Variants in WWOX observed in about 807,000 individuals in gnomAD.
The protein encoded by WWOX is WW domain-containing oxidoreductase.
A neutral mutation model predicts 46.2 loss-of-function variants in WWOX; 69 were observed. The ratio of observed to expected loss-of-function variants is 1.49; its 90% CI spans 1.23 to 1.82. The LOEUF (loss-of-function observed/expected upper bound fraction) is 1.82, where lower values mean the gene tolerates loss of function less well. WWOX is among the 40% of genes most tolerant of loss of function. WWOX has a pLI of 0.00. For missense variants in WWOX, 919 were observed against 542.6 expected, an observed-to-expected ratio of 1.69 and a Z score of -6.89; for synonymous variants, 359 against 202.6, an observed-to-expected ratio of 1.77 and a Z score of -6.56.
At chr16:78,766,632 AG>A (rs2049930452) in intron 8 of WWOX, among the ~76,000 whole-genome samples, 1 of 152,164 alleles carries the variant, frequency 6.6e-6, no homozygotes, top group African/African-American at 2.4e-5. Context: ...CTTGTGAGTT[AG>A]CTCTCTCCAA....
chr16:78,440,552 C>T (rs1054307912), intron 8 of WWOX, among the ~76,000 whole-genome samples: 1 of 152,010 alleles, frequency 6.6e-6, no homozygotes, highest in South Asian at 2.1e-4. Flanking sequence ...ATGAAGAGTC[C>T]CTGGAATTTC....
At chr16:78,852,844 C>G (rs929449999) in intron 8 of WWOX, among the ~76,000 whole-genome samples, 1 of 152,160 alleles carries the variant, frequency 6.6e-6, no homozygotes, top group African/African-American at 2.4e-5. Context: ...TGGGCAGAAA[C>G]TTTTATACAG....
intron 8 of WWOX, among the ~76,000 whole-genome samples, chr16:78,754,298 G>C (rs1012688998): frequency 2.0e-5 from 3 of 152,044 alleles, no homozygotes; most frequent in Non-Finnish European, 4.4e-5. Flanking sequence ...GTGAGTTTCA[G>C]GAAGAAGGCA....
At chr16:78,561,671 G>A (rs749011321) in intron 8 of WWOX, among the ~76,000 whole-genome samples, 16 of 152,152 alleles carry the variant, frequency 1.1e-4, no homozygotes, top group Non-Finnish European at 1.9e-4. Flanking sequence ...AAGAAAGGGG[G>A]TAATTGAAGA....
chr16:79,190,284 C>T (rs1274931422), intron 8 of WWOX, among the ~76,000 whole-genome samples: 2 of 152,260 alleles, frequency 1.3e-5, no homozygotes, highest in East Asian at 1.9e-4. Context: ...CTCAGCCTCT[C>T]ACAGTGCTGG....
At position 79,142,920 on chromosome 16, in the gene WWOX, T is replaced by C. The variant is rs111806944; in HGVS notation, c.1057-68688T>C. 6.5e-3 allele frequency among the ~76,000 whole-genome samples: 993 copies of C among 152,156 alleles called. 9 individuals are homozygous for C. Among genetic ancestry groups the C allele is most frequent in the African/African-American group, 0.023 (937 of 41,496 alleles). On this transcript the variant is annotated intron_variant, in intron 8 of 8. Coordinates refer to ENST00000566780, the MANE Select transcript of WWOX (RefSeq NM_016373.4). ...GTTCTCGCCTTATTGCCCAGGCTGATCTTGAACTCCTGGGCTCAAGCCACC... is the reference window on the plus strand; with the variant it reads ...GTTCTCGCCTTATTGCCCAGGCTGACCTTGAACTCCTGGGCTCAAGCCACC...
intron 8 of WWOX, among the ~76,000 whole-genome samples, chr16:78,823,028 C>G (rs1248189874): frequency 6.6e-6 from 1 of 152,100 alleles, no homozygotes; most frequent in Non-Finnish European, 1.5e-5. Context: ...TCATATTCAA[C>G]TTGGAAAACA....
intron 6 of WWOX, among the ~76,000 whole-genome samples, chr16:78,415,977 C>T (rs567200373): frequency 2.6e-5 from 4 of 152,302 alleles, no homozygotes; most frequent in East Asian, 1.9e-4. Context: ...GGTGGAGGGG[C>T]TTTATCTGTG....
chr16:78,720,258 G>T (rs919031193), intron 8 of WWOX, among the ~76,000 whole-genome samples: 1 of 150,612 alleles, frequency 6.6e-6, no homozygotes, highest in African/African-American at 2.5e-5. Context: ...TTATGTGCGC[G>T]TGTGTGAAAC....
intron 8 of WWOX, among the ~76,000 whole-genome samples, chr16:78,458,233 A>G (rs986583527): frequency 9.4e-5 from 14 of 148,412 alleles, no homozygotes; most frequent in African/African-American, 3.5e-4. Context: ...TTCCCTGCCA[A>G]TTAATTAATT....
intron 6 of WWOX, among the ~76,000 whole-genome samples, chr16:78,389,564 G>C (rs908502869): frequency 6.6e-6 from 1 of 152,138 alleles, no homozygotes; most frequent in African/African-American, 2.4e-5. Context: ...TGTATGTTTT[G>C]ATTCAATTCT....
intron 8 of WWOX, among the ~76,000 whole-genome samples, chr16:78,800,783 G>T (rs1468534948): frequency 6.6e-6 from 1 of 152,096 alleles, no homozygotes; most frequent in Non-Finnish European, 1.5e-5. Flanking sequence ...TCTGTGTCAG[G>T]CATGTAGCAG....
chr16:78,846,392 C>G (rs1167731772), intron 8 of WWOX, among the ~76,000 whole-genome samples: 1 of 152,136 alleles, frequency 6.6e-6, no homozygotes, highest in Admixed American at 6.6e-5. Context: ...TATCATATCT[C>G]TCCAGTCCCC....
chr16:78,334,485 A>C (rs1054800355), intron 5 of WWOX, among the ~76,000 whole-genome samples: 1 of 152,176 alleles, frequency 6.6e-6, no homozygotes, highest in Non-Finnish European at 1.5e-5. Flanking sequence ...GTGTTACACA[A>C]TTCATAGCCT....
intron 5 of WWOX, among the ~76,000 whole-genome samples, chr16:78,294,518 C>G (rs1365502703): frequency 6.6e-6 from 1 of 152,116 alleles, no homozygotes; most frequent in Non-Finnish European, 1.5e-5. Context: ...CTAGTCATCT[C>G]TTATTTATAC....
intron 8 of WWOX, among the ~76,000 whole-genome samples, chr16:78,731,685 G>A (rs1268637711): frequency 6.6e-6 from 1 of 152,100 alleles, no homozygotes; most frequent in East Asian, 1.9e-4. Context: ...GCATCGTCAT[G>A]ATCATTATTG....
At chr16:78,834,140 G>A (rs1388514416) in intron 8 of WWOX, among the ~76,000 whole-genome samples, 1 of 152,216 alleles carries the variant, frequency 6.6e-6, no homozygotes, top group African/African-American at 2.4e-5. Flanking sequence ...CAGTGATGCT[G>A]TGGCCTGAAT....
intron 8 of WWOX, among the ~76,000 whole-genome samples, chr16:78,953,590 C>A (rs2046106434): frequency 6.6e-6 from 1 of 152,156 alleles, no homozygotes. Flanking sequence ...AGTGTGTCCC[C>A]TCCACTGTTG....
intron 8 of WWOX, among the ~76,000 whole-genome samples, chr16:78,702,960 T>G (rs1226967161): frequency 6.6e-6 from 1 of 152,176 alleles, no homozygotes; most frequent in Non-Finnish European, 1.5e-5. Context: ...ACTCCCACAC[T>G]TGCTCTTGTA....
Sources: gnomAD v4.1 joint callset for allele counts (sites outside exome capture counted in the v4.1 genomes callset) on GRCh38, gnomAD v4.1.1 for gene constraint, MANE v1.5 for transcripts, NCBI Gene and HGNC (gene_info 2026-07-23, HGNC 2026-07-21) for gene names.